The following LARGE1 variants were observed in gnomAD, a reference collection of about 807,000 sequenced individuals.
LARGE1 encodes the protein LARGE xylosyl- and glucuronyltransferase 1, also known as xylosyl- and glucuronyltransferase LARGE1.
A neutral mutation model predicts 87.6 loss-of-function variants in LARGE1; 43 were observed. The ratio of observed to expected loss-of-function variants is 0.49; its 90% CI spans 0.38 to 0.63. The LOEUF (loss-of-function observed/expected upper bound fraction) is 0.63. LARGE1 is among the 30% of genes least tolerant of loss of function. The pLI is 0.00. For synonymous variants in LARGE1, 434 were observed against 394.6 expected (o/e 1.10, Z -1.18); for missense variants, 802 against 1,000.2 (o/e 0.80, Z 2.67).
chr22:33,606,428 G>GAAATA (rs55899842), intron 4 of LARGE1, among the ~76,000 whole-genome samples: 39,986 of 148,660 alleles, frequency 0.27, 5,776 homozygotes, highest in Non-Finnish European at 0.32. Flanking sequence ...AAAATAAAAT[G>GAAATA]AAATAAAATA....
intron 2 of LARGE1, among the ~76,000 whole-genome samples, chr22:33,751,389 G>A (rs1428459030): frequency 1.3e-5 from 2 of 151,992 alleles, no homozygotes; most frequent in East Asian, 1.9e-4. Context: ...GCTGAGGCAG[G>A]AGAATCGCTT....
chr22:33,579,633 C>T (rs1336429943), intron 5 of LARGE1, among the ~76,000 whole-genome samples: 1 of 152,136 alleles, frequency 6.6e-6, no homozygotes, highest in Non-Finnish European at 1.5e-5. Context: ...ACTGGGCCTA[C>T]CCCAGAAAAA....
chr22:33,312,695 G>A (rs1268081579), intron 11 of LARGE1, among the ~76,000 whole-genome samples: 2 of 152,152 alleles, frequency 1.3e-5, no homozygotes, highest in Non-Finnish European at 2.9e-5. Context: ...TTGGAGAAAT[G>A]GGCACCTGGC....
rs114656039 is a variant in LARGE1 at position 33,783,875 on chromosome 22, G to A, written c.-82-22317C>T. On this transcript the variant is annotated intron_variant, in intron 1 of 14. Coordinates refer to ENST00000397394, the MANE Select transcript of LARGE1 (RefSeq NM_133642.5). ...CTACTGGAAGTAGTGGAAGTAGTGG[G>A]CGGTAGAGGGAGATTAGAGTGGTCT... Among the ~76,000 whole-genome samples the A allele has an allele frequency of 5.3e-3, 803 of 152,298 alleles. 6 individuals are homozygous for A. The highest frequency in any genetic ancestry group is 0.018 in the African/African-American group (764 of 41,548).
At chr22:33,340,094 C>G (rs1938977781) in intron 9 of LARGE1, among the ~76,000 whole-genome samples, 1 of 151,934 alleles carries the variant, frequency 6.6e-6, no homozygotes, top group Non-Finnish European at 1.5e-5. Context: ...ATCAGCAAGA[C>G]ATAATTTGTA....
At position 33,650,554 on chromosome 22, in the gene LARGE1, T is replaced by G. The variant is rs751789128; in HGVS notation, c.221A>C (p.Glu74Ala). The change falls in exon 3 of 15, where the codon GAG (glutamate) becomes GCG (alanine). Residue 74 changes from glutamate (E) to alanine (A), a missense_variant. Glu to Ala is a moderately radical substitution (Grantham distance 107, BLOSUM62 -1). This residue lies in a region of LARGE1 where 177 missense variants were observed against 158.3 expected (regional missense o/e 1.12). Coordinates refer to ENST00000397394, the MANE Select transcript of LARGE1 (RefSeq NM_133642.5). ...SLEVRMREVEEENRALRRQLS... is the reference protein window; with the variant it reads ...SLEVRMREVEAENRALRRQLS... ...CTGCCTGCGGAGGGCGCGGTTCTCC[T>G]CCTCCACCTCGCGCATGCGCACCTC... 37 of 1,609,018 alleles carry G rather than the reference T, an allele frequency of 2.3e-5. No individual in the cohort carries two copies. The highest frequency in any genetic ancestry group is 1.8e-4 in the Admixed American group (11 of 60,010).
chr22:33,298,057 G>GAAT (rs1933591553), intron 12 of LARGE1, among the ~76,000 whole-genome samples: 1 of 151,134 alleles, frequency 6.6e-6, no homozygotes, highest in Non-Finnish European at 1.5e-5. Context: ...CCAGTCTCAT[G>GAAT]AATGTGGAAA....
At chr22:33,679,101 A>G (rs998580769) in intron 2 of LARGE1, among the ~76,000 whole-genome samples, 2 of 152,208 alleles carry the variant, frequency 1.3e-5, no homozygotes, top group African/African-American at 2.4e-5. Flanking sequence ...TCTGCCATTA[A>G]AATAAAAGCT....
At chr22:33,164,028 T>C (rs1408925882) in exon 12 of LARGE1, 10 of 152,146 alleles carry the variant, frequency 6.6e-5, no homozygotes, top group Admixed American at 5.9e-4. Flanking sequence ...AAATACCAGG[T>C]AGCTATAGGT....
intron 6 of LARGE1, among the ~76,000 whole-genome samples, chr22:33,518,589 A>C (rs1203728308): frequency 7.9e-5 from 12 of 152,186 alleles, no homozygotes; most frequent in African/African-American, 2.9e-4. Flanking sequence ...GATCACAGGC[A>C]CGACCCACCG....
chr22:33,818,099 A>C (rs985689238), intron 1 of LARGE1, among the ~76,000 whole-genome samples: 6 of 152,056 alleles, frequency 3.9e-5, no homozygotes, highest in Non-Finnish European at 7.4e-5. Flanking sequence ...AAAAATGGGG[A>C]TGGTTCATGT....
chr22:33,277,156 C>T lies in LARGE1; in HGVS notation c.1977G>A (p.Pro659=), dbSNP rs768565081. Residue 659 remains proline (P), a synonymous_variant, in exon 14 of 15, where the codon CCG becomes CCA. Transcript: ENST00000397394. ...YRVEWEADFE[P]YVVVRRDCPE... Reference sequence around the variant, plus strand: ...GGCAGTCACGTCTCACAACAACATACGGCTCAAAATCGGCCTCCCACTCAA... The same window carrying T: ...GGCAGTCACGTCTCACAACAACATATGGCTCAAAATCGGCCTCCCACTCAA... 35 of 1,614,254 alleles carry T rather than the reference C, an allele frequency of 2.2e-5. No individual in the cohort carries two copies. Among genetic ancestry groups the T allele is most frequent in the South Asian group, 6.6e-5 (6 of 91,084 alleles).
chr22:33,376,042 G>A (rs1047296844), intron 9 of LARGE1, among the ~76,000 whole-genome samples: 11 of 152,266 alleles, frequency 7.2e-5, no homozygotes, highest in Admixed American at 2.6e-4. Flanking sequence ...CAATATCACC[G>A]TAGGAAGAAA....
intron 6 of LARGE1, among the ~76,000 whole-genome samples, chr22:33,551,425 T>C (rs1055167949): frequency 1.3e-5 from 2 of 152,214 alleles, no homozygotes; most frequent in Non-Finnish European, 2.9e-5. Flanking sequence ...GGCAGAGCTG[T>C]CAATGATCAT....
At chr22:33,302,426 A>G (rs1261018830) in intron 12 of LARGE1, among the ~76,000 whole-genome samples, 1 of 152,102 alleles carries the variant, frequency 6.6e-6, no homozygotes, top group South Asian at 2.1e-4. Context: ...CTCCCGCCCC[A>G]GGGGAGGGAT....
At position 33,340,337 on chromosome 22, in the gene LARGE1, A is replaced by G. The variant is rs189230582; in HGVS notation, c.1132-2536T>C. ...ACCCAGGAGACTGATGGCTGGGCCA[A>G]TCAGATGGCCTCTCACAGTTGAGCC... On this transcript the variant is annotated intron_variant, in intron 9 of 14. Coordinates refer to ENST00000397394, the MANE Select transcript of LARGE1 (RefSeq NM_133642.5). Among the ~76,000 whole-genome samples the G allele has an allele frequency of 8.7e-4, 132 of 151,908 alleles. 2 individuals carry two copies. In the South Asian group the frequency reaches 0.013, roughly 16 times the overall value.
At chr22:33,451,629 G>T (rs979260564) in intron 6 of LARGE1, among the ~76,000 whole-genome samples, 2 of 151,478 alleles carry the variant, frequency 1.3e-5, no homozygotes, top group Middle Eastern at 3.4e-3. Flanking sequence ...CATGATCTCG[G>T]CTCACTGCAA....
intron 10 of LARGE1, among the ~76,000 whole-genome samples, chr22:33,317,977 C>T (rs984297195): frequency 2.0e-5 from 3 of 151,516 alleles, no homozygotes; most frequent in Non-Finnish European, 4.4e-5. Context: ...TGGCTCACGC[C>T]TGTAATCCCA....
At chr22:33,171,451 G>A (rs141950177) in intron 11 of LARGE1, among the ~76,000 whole-genome samples, 6,536 of 152,298 alleles carry the variant, frequency 0.043, 182 homozygotes, top group East Asian at 0.076. Flanking sequence ...GACCTTCACA[G>A]CAGCCCCTCC....
Sources: allele counts gnomAD v4.1 joint callset (sites outside exome capture counted in the v4.1 genomes callset), GRCh38; gene constraint gnomAD v4.1.1; regional missense constraint gnomAD v4.1.1; transcripts MANE v1.5; gene names NCBI Gene and HGNC (gene_info 2026-07-23, HGNC 2026-07-21).